Variants in EYA2 observed in about 807,000 individuals in gnomAD.
EYA2 encodes protein phosphatase EYA2.
EYA2 carries 31 observed loss-of-function variants against 69.2 expected under a neutral mutation model. The ratio of observed to expected loss-of-function variants is 0.45; its 90% CI spans 0.34 to 0.60. EYA2 has a LOEUF of 0.60. EYA2 is among the 20% of genes least tolerant of loss of function. EYA2 has a pLI of 0.02. For missense variants in EYA2, 622 were observed against 701.2 expected, an observed-to-expected ratio of 0.89 and a Z score of 1.28; for synonymous variants, 257 against 279.4, an observed-to-expected ratio of 0.92 and a Z score of 0.80.
chr20:47,180,761 G>C, intron 13 of EYA2, 54 bp from the exon 14 acceptor site: 1 of 1,596,578 alleles, frequency 6.3e-7, no homozygotes, highest in East Asian at 2.2e-5. Flanking sequence ...AGCAAGAGGA[G>C]GCCTGGCCTT....
intron 5 of EYA2, among the ~76,000 whole-genome samples, chr20:47,027,625 A>T (rs1023479916): frequency 1.3e-5 from 2 of 152,182 alleles, no homozygotes; most frequent in African/African-American, 4.8e-5. Flanking sequence ...AAGCCACTGG[A>T]GGTAACAGGC....
chr20:46,942,685 A>C (rs1986205741), intron 1 of EYA2, among the ~76,000 whole-genome samples: 2 of 152,154 alleles, frequency 1.3e-5, no homozygotes, highest in East Asian at 1.9e-4. Context: ...ACTTAACCTC[A>C]CCAAGCCAGG....
intron 4 of EYA2, 82 bp downstream of exon 4, chr20:47,005,166 G>A: frequency 6.6e-7 from 1 of 1,506,454 alleles, no homozygotes; most frequent in Non-Finnish European, 9.0e-7. Context: ...TCAGCTAAAT[G>A]TGGATTAATA....
chr20:46,925,082 C>G (rs1985356829), intron 1 of EYA2, among the ~76,000 whole-genome samples: 1 of 152,218 alleles, frequency 6.6e-6, no homozygotes, highest in South Asian at 2.1e-4. Flanking sequence ...CAATCTCTGC[C>G]TCTGTCATCA....
chr20:47,187,009 T>C (rs994989925), intron 15 of EYA2, among the ~76,000 whole-genome samples: 4 of 151,286 alleles, frequency 2.6e-5, no homozygotes, highest in African/African-American at 9.7e-5. Context: ...CAGTGAGCCA[T>C]GATCTGCATT....
At chr20:47,116,074 T>C (rs1600719987) in intron 9 of EYA2, among the ~76,000 whole-genome samples, 4 of 152,262 alleles carry the variant, frequency 2.6e-5, no homozygotes, top group South Asian at 2.1e-4. Flanking sequence ...AACCTCCTAC[T>C]GATGGTTCAT....
intron 5 of EYA2, among the ~76,000 whole-genome samples, chr20:47,046,699 A>C (rs2030057722): frequency 6.6e-6 from 1 of 152,226 alleles, no homozygotes; most frequent in African/African-American, 2.4e-5. Flanking sequence ...ATGTGTCGCC[A>C]GGTGGCTGCG....
intron 3 of EYA2, among the ~76,000 whole-genome samples, chr20:47,003,236 C>G (rs1325079590): frequency 6.6e-6 from 1 of 152,208 alleles, no homozygotes; most frequent in Non-Finnish European, 1.5e-5. Context: ...CTCTCTCTGC[C>G]TCTGTTTTCT....
intron 1 of EYA2, among the ~76,000 whole-genome samples, chr20:46,929,496 T>C (rs1985570363): frequency 6.6e-6 from 1 of 151,846 alleles, no homozygotes; most frequent in Admixed American, 6.6e-5. Context: ...TGGTTTCAAC[T>C]TCACACCATT....
At chr20:47,052,626 C>CT (rs1417888901) in intron 5 of EYA2, among the ~76,000 whole-genome samples, 1 of 151,978 alleles carries the variant, frequency 6.6e-6, no homozygotes, top group Non-Finnish European at 1.5e-5. Context: ...TTCTTTTTAT[C>CT]TTTTTTCTTT....
intron 7 of EYA2, among the ~76,000 whole-genome samples, chr20:47,087,533 C>T (rs1353439589): frequency 6.6e-6 from 1 of 152,364 alleles, no homozygotes; most frequent in Non-Finnish European, 1.5e-5. Context: ...TGAGTTACCT[C>T]GTTAGCTAAA....
intron 1 of EYA2, among the ~76,000 whole-genome samples, chr20:46,968,780 G>A (rs569402921): frequency 9.3e-5 from 14 of 150,180 alleles, no homozygotes; most frequent in Admixed American, 5.9e-4. Context: ...ATCCCACCCC[G>A]CCGCGCCCCC....
At chr20:47,065,633 A>AT (rs895972414) in intron 5 of EYA2, among the ~76,000 whole-genome samples, 31 of 152,252 alleles carry the variant, frequency 2.0e-4, no homozygotes, top group East Asian at 3.9e-4. Context: ...TAAAAGCGTG[A>AT]TTTTTTTATT....
At chr20:47,117,147 G>A (rs988522767) in intron 9 of EYA2, among the ~76,000 whole-genome samples, 1 of 151,982 alleles carries the variant, frequency 6.6e-6, no homozygotes, top group African/African-American at 2.4e-5. Flanking sequence ...CCAGTAGCTG[G>A]GACCACAGGC....
At chr20:47,122,932 G>A (rs936169989) in intron 9 of EYA2, among the ~76,000 whole-genome samples, 3 of 152,140 alleles carry the variant, frequency 2.0e-5, no homozygotes, top group Non-Finnish European at 4.4e-5. Flanking sequence ...CTGGTCTCAA[G>A]AGCCAGACTA....
intron 1 of EYA2, among the ~76,000 whole-genome samples, chr20:46,955,693 A>G (rs1456755746): frequency 6.6e-6 from 1 of 152,212 alleles, no homozygotes; most frequent in African/African-American, 2.4e-5. Flanking sequence ...TTTACACACC[A>G]CAATTTGCTA....
rs369507025 is a variant in EYA2 at position 47,081,881 on chromosome 20, C to T, written c.662-7358C>T. On this transcript the variant is annotated intron_variant, in intron 7 of 15. Transcript: ENST00000327619. ...TTGAGACAGAGTCTCGATCTGTCGC[C>T]CAGGCTGGAGTGCGATGGTGTGACC... 2.4e-4 allele frequency among the ~76,000 whole-genome samples: 37 copies of T among 151,826 alleles called. No individual in the cohort carries two copies. The East Asian group carries it at 4.7e-3, about 19-fold the overall frequency.
At chr20:47,183,264 T>G (rs200931026) in intron 14 of EYA2, 27 bp from the exon 15 acceptor site, 42 of 1,611,208 alleles carry the variant, frequency 2.6e-5, no homozygotes, top group Non-Finnish European at 3.4e-5. Flanking sequence ...ACAGAGCGTT[T>G]TTTCTTTCCT....
intron 5 of EYA2, among the ~76,000 whole-genome samples, chr20:47,041,101 G>C (rs1266567966): frequency 6.6e-6 from 1 of 152,080 alleles, no homozygotes; most frequent in African/African-American, 2.4e-5. Context: ...GCAGCCCCCA[G>C]GTCCCTGCTC....
Sources: allele counts gnomAD v4.1 joint callset (sites outside exome capture counted in the v4.1 genomes callset), GRCh38; gene constraint gnomAD v4.1.1; transcripts MANE v1.5; gene names NCBI Gene and HGNC (gene_info 2026-07-23, HGNC 2026-07-21).